EIF4ENIF1: variants seen among roughly 807,000 people sequenced by gnomAD.
EIF4ENIF1 encodes the protein eukaryotic translation initiation factor 4E transporter.
Under a neutral mutation model 110.5 loss-of-function variants are expected in EIF4ENIF1, and 23 were observed. The ratio of observed to expected loss-of-function variants is 0.21; its 90% confidence interval spans 0.15 to 0.29. The LOEUF (loss-of-function observed/expected upper bound fraction) is 0.29. Ranked by LOEUF, EIF4ENIF1 falls within the 10% of genes least tolerant of loss-of-function variation. EIF4ENIF1 has a pLI of 1.00. For synonymous variants in EIF4ENIF1, 440 were observed against 437.0 expected (o/e 1.01, Z -0.09); for missense variants, 1,031 against 1,221.1 (o/e 0.84, Z 2.32).
At chr22:31,466,673 G>A (rs1028900049) in intron 4 of EIF4ENIF1, among the ~76,000 whole-genome samples, 10 of 150,780 alleles carry the variant, frequency 6.6e-5, no homozygotes, top group Non-Finnish European at 1.3e-4. Context: ...GGGACACATA[G>A]GAATACTAGG....
In EIF4ENIF1 at chr22:31,443,073, T is replaced by C. The variant is rs2050354369; in HGVS notation, c.2095A>G (p.Thr699Ala). ...TCGTACATCTTACGAATCACTGAGG[T>C]AGGGGTAAAGGAAGGAGAAAGCTGC... ...TSMLSPSFTP[T>A]SVIRKMYESK... Residue 699 changes from threonine (T) to alanine (A), a missense_variant, in exon 16 of 19, where the codon ACC (threonine) becomes GCC (alanine). Physicochemically the swap from Thr to Ala is moderately conservative, Grantham distance 58 (BLOSUM62 0). Around this residue, in one of 3 missense-constraint regions of EIF4ENIF1, gnomAD observed 704 missense variants for 879.7 expected, o/e 0.80. Transcript: ENST00000330125. 6.2e-7 allele frequency: 1 copy of C among 1,613,942 alleles called. No individual in the cohort carries two copies. Among genetic ancestry groups the C allele is most frequent in the African/African-American group, 1.3e-5 (1 of 74,878 alleles).
intron 8 of EIF4ENIF1, 79 bp from the exon 9 acceptor site, chr22:31,455,394 T>TA: frequency 4.6e-5 from 53 of 1,151,890 alleles, no homozygotes; most frequent in Non-Finnish European, 5.9e-5. Flanking sequence ...TTTCTTTCTT[T>TA]CTTTTTTTTT....
intron 18 of EIF4ENIF1, 30 bp downstream of exon 18, chr22:31,440,674 C>G (rs759511625): frequency 2.5e-6 from 4 of 1,605,528 alleles, no homozygotes; most frequent in Non-Finnish European, 3.4e-6. Flanking sequence ...AAGTCCGTCC[C>G]AAACTCACCT....
At chr22:31,457,822 A>G (rs868840932) in intron 7 of EIF4ENIF1, among the ~76,000 whole-genome samples, 1 of 152,224 alleles carries the variant, frequency 6.6e-6, no homozygotes. Flanking sequence ...CTGACTTTTA[A>G]GTGCACTAAT....
chr22:31,477,550 CGTT>C (rs1175570357), intron 2 of EIF4ENIF1, among the ~76,000 whole-genome samples: 1 of 152,088 alleles, frequency 6.6e-6, no homozygotes, highest in Non-Finnish European at 1.5e-5. Context: ...TTCCAGTTTT[CGTT>C]GTTGACTTTA....
At chr22:31,492,569 T>C (rs185058778), upstream of EIF4ENIF1, among the ~76,000 whole-genome samples, 9 of 152,304 alleles carry the variant, frequency 5.9e-5, no homozygotes, top group Admixed American at 3.3e-4. Flanking sequence ...TCTGTCCTTA[T>C]AGAAGAAGAT....
intron 10 of EIF4ENIF1, among the ~76,000 whole-genome samples, chr22:31,453,935 C>A (rs751818483): frequency 6.6e-6 from 1 of 152,110 alleles, no homozygotes; most frequent in South Asian, 2.1e-4. Flanking sequence ...CTGTCACCCA[C>A]AATACATATA....
intron 13 of EIF4ENIF1, 136 bp downstream of exon 13, chr22:31,448,017 G>A: frequency 3.2e-6 from 3 of 944,358 alleles, no homozygotes; most frequent in Non-Finnish European, 5.0e-6. Context: ...CCAAAGTGCT[G>A]GGATTACGGG....
chr22:31,454,524 A>C, intron 9 of EIF4ENIF1, 148 bp from the exon 10 acceptor site: 1 of 671,386 alleles, frequency 1.5e-6, no homozygotes, highest in Admixed American at 2.8e-5. Flanking sequence ...AAATAAACTA[A>C]TAACACTTAA....
intron 3 of EIF4ENIF1, among the ~76,000 whole-genome samples, chr22:31,469,553 A>C (rs2051294383): frequency 6.6e-6 from 1 of 152,232 alleles, no homozygotes; most frequent in Non-Finnish European, 1.5e-5. Context: ...GGTGAGGATT[A>C]TCTAGCATTT....
At chr22:31,477,374 AC>A (rs57246819) in intron 2 of EIF4ENIF1, among the ~76,000 whole-genome samples, 52,455 of 124,432 alleles carry the variant, frequency 0.42, 13,040 homozygotes, top group Middle Eastern at 0.52. Context: ...AAAAAAAAAA[AC>A]AAAAAAAACA....
At chr22:31,452,680 G>A (rs540840349) in intron 10 of EIF4ENIF1, among the ~76,000 whole-genome samples, 4 of 152,280 alleles carry the variant, frequency 2.6e-5, no homozygotes, top group Non-Finnish European at 5.9e-5. Flanking sequence ...CAAATGTAAC[G>A]AGAAAGGAAA....
At chr22:31,484,580 T>G (rs2051947947) in intron 2 of EIF4ENIF1, among the ~76,000 whole-genome samples, 1 of 151,160 alleles carries the variant, frequency 6.6e-6, no homozygotes, top group Non-Finnish European at 1.5e-5. Flanking sequence ...ACACCTGTAA[T>G]CCCAGCAGTT....
chr22:31,485,250 A>T (rs888705499), intron 2 of EIF4ENIF1, among the ~76,000 whole-genome samples: 2 of 152,216 alleles, frequency 1.3e-5, no homozygotes, highest in Admixed American at 1.3e-4. Flanking sequence ...AAGCTAAAAA[A>T]TGCTTTTAAC....
upstream of EIF4ENIF1, among the ~76,000 whole-genome samples, chr22:31,493,227 C>T (rs2052298523): frequency 6.6e-6 from 1 of 152,024 alleles, no homozygotes; most frequent in African/African-American, 2.4e-5. Context: ...GACAGGGTTT[C>T]ACCACGTTAG....
At chr22:31,448,687 G>A (rs1018313483) in intron 12 of EIF4ENIF1, among the ~76,000 whole-genome samples, 2 of 152,180 alleles carry the variant, frequency 1.3e-5, no homozygotes, top group Admixed American at 6.5e-5. Flanking sequence ...GGAACACTAC[G>A]ACATTCCATG....
Position 31,439,935 on chromosome 22 carries a change from A to G in EIF4ENIF1, c.2903T>C (p.Leu968Pro). 6.2e-7 allele frequency: 1 copy of G among 1,614,150 alleles called. No individual in the cohort carries two copies. Among genetic ancestry groups the G allele is most frequent in the Non-Finnish European group, 8.5e-7 (1 of 1,180,014 alleles). Residue 968 changes from leucine (L) to proline (P), a missense_variant, in exon 19 of 19, where the codon CTG becomes CCG. Transcript: ENST00000330125. ...WFGSDVLQQP[L>P]PSMPAKVISV... Reference sequence around the variant, plus strand: ...GATAACTTTGGCGGGCATGGAGGGCAGGGGTTGCTGTAGCACATCTGAGCC... The same window carrying G: ...GATAACTTTGGCGGGCATGGAGGGCGGGGGTTGCTGTAGCACATCTGAGCC...
chr22:31,471,414 A>T (rs999880987), intron 3 of EIF4ENIF1, among the ~76,000 whole-genome samples: 2 of 151,514 alleles, frequency 1.3e-5, no homozygotes, highest in African/African-American at 4.9e-5. Flanking sequence ...TCCCGAGTTC[A>T]TGCCATTCTC....
rs532896783 is a variant in EIF4ENIF1, at chr22:31,443,275, C to G, written c.2074-181G>C. 1,537 of 770,706 alleles carry G rather than the reference C, an allele frequency of 2.0e-3. 4 individuals are homozygous for G. Among genetic ancestry groups the G allele is most frequent in the Non-Finnish European group, 2.5e-3 (1,238 of 498,222 alleles). 47.7% of individuals were successfully genotyped at this position (770,706 alleles called of 1,614,324 possible). A position where few individuals can be genotyped will look rare whatever the true frequency, so the allele number is the denominator to read the frequency against. On this transcript the variant is annotated intron_variant, in intron 15 of 18. Coordinates refer to ENST00000330125, the MANE Select transcript of EIF4ENIF1 (RefSeq NM_019843.4). ...AGAATGGGGCAAATAGGCAGTGTCC[C>G]AAGTACATTATCCCTTGCTTACAAC...
Sources: allele counts gnomAD v4.1 joint callset (sites outside exome capture counted in the v4.1 genomes callset), GRCh38; gene constraint gnomAD v4.1.1; regional missense constraint gnomAD v4.1.1; transcripts MANE v1.5; gene names NCBI Gene and HGNC (gene_info 2026-07-23, HGNC 2026-07-21).